Variants in GRIK2 observed in about 807,000 individuals in gnomAD.
GRIK2 encodes glutamate ionotropic receptor kainate type subunit 2.
In GRIK2, 32 loss-of-function variants were observed where a neutral mutation model predicts 100.3. That is an observed-to-expected ratio of 0.32 (90% CI 0.24 to 0.43). The LOEUF (loss-of-function observed/expected upper bound fraction) is 0.43, where lower values mean the gene tolerates loss of function less well. GRIK2 is among the 20% of genes least tolerant of loss of function. GRIK2 has a pLI of 1.00. For missense variants in GRIK2, 843 were observed against 1,114.9 expected, an observed-to-expected ratio of 0.76 and a Z score of 3.47; for synonymous variants, 417 against 389.4, an observed-to-expected ratio of 1.07 and a Z score of -0.83.
At chr6:101,754,095 T>A (rs1009929172) in intron 7 of GRIK2, among the ~76,000 whole-genome samples, 38 of 151,846 alleles carry the variant, frequency 2.5e-4, no homozygotes, top group Non-Finnish European at 1.0e-4. Flanking sequence ...CAATATTTCT[T>A]AGATAACTTC....
At chr6:101,822,823 G>A (rs1782041291) in intron 10 of GRIK2, among the ~76,000 whole-genome samples, 1 of 152,020 alleles carries the variant, frequency 6.6e-6, no homozygotes, top group Non-Finnish European at 1.5e-5. Flanking sequence ...AGAAGGTGGA[G>A]TAGTTGTAGG....
At chr6:101,422,565 T>A (rs1776461634) in intron 2 of GRIK2, among the ~76,000 whole-genome samples, 2 of 151,898 alleles carry the variant, frequency 1.3e-5, no homozygotes. Context: ...TTTGTTCAGA[T>A]CTGTTAAAGA....
At chr6:101,542,456 C>T (rs771172248) in intron 2 of GRIK2, among the ~76,000 whole-genome samples, 2 of 143,432 alleles carry the variant, frequency 1.4e-5, no homozygotes, top group Non-Finnish European at 3.0e-5. Flanking sequence ...CAATAACAGG[C>T]GTATTTAAAG....
Position 101,865,730 on chromosome 6 carries a change from T to C in GRIK2, c.1524+6237T>C, listed in dbSNP as rs535613926. 1.3e-4 allele frequency among the ~76,000 whole-genome samples: 19 copies of C among 151,524 alleles called. No individual in the cohort carries two copies. In the South Asian group the frequency reaches 3.7e-3, roughly 30 times the overall value. On this transcript the variant is annotated intron_variant, in intron 11 of 16. Transcript: ENST00000369134. The stretch of plus-strand genomic sequence containing the variant: ...GGTGAAAACCCGTCTCTACTAAAAA[T>C]ACAAAAAAGTTAGCTGGGTGTGCTG...
At chr6:101,864,986 G>A (rs1056998461) in intron 11 of GRIK2, among the ~76,000 whole-genome samples, 5 of 152,124 alleles carry the variant, frequency 3.3e-5, no homozygotes, top group Non-Finnish European at 7.4e-5. Flanking sequence ...AGAGATTTGT[G>A]TTTTAATATA....
At chr6:101,411,336 T>G (rs1316766324) in intron 2 of GRIK2, among the ~76,000 whole-genome samples, 1 of 152,102 alleles carries the variant, frequency 6.6e-6, no homozygotes, top group African/African-American at 2.4e-5. Flanking sequence ...TAATCAGTGG[T>G]TCTCAAACTT....
At chr6:101,887,455 G>A (rs1786731535) in intron 11 of GRIK2, among the ~76,000 whole-genome samples, 1 of 149,970 alleles carries the variant, frequency 6.7e-6, no homozygotes, top group Non-Finnish European at 1.5e-5. Context: ...ATTGTGCTGT[G>A]TAGTCAACCC....
At chr6:101,744,831 TTGGCCTCCCAAAGTGC>T (rs1489399073) in intron 7 of GRIK2, 1 of 151,974 alleles carries the variant, frequency 6.6e-6, no homozygotes, top group Admixed American at 6.6e-5. Context: ...TCCGCCCACC[TTGGCCTCCCAAAGTGC>T]TGGGATTACA....
At chr6:101,569,190 A>G (rs1392788129) in intron 2 of GRIK2, among the ~76,000 whole-genome samples, 2 of 152,076 alleles carry the variant, frequency 1.3e-5, no homozygotes, top group Non-Finnish European at 1.5e-5. Flanking sequence ...TTAGCCTCCC[A>G]GATAGTTTTA....
chr6:101,912,314 A>G (rs1788779513), intron 12 of GRIK2, among the ~76,000 whole-genome samples: 1 of 151,492 alleles, frequency 6.6e-6, no homozygotes, highest in African/African-American at 2.4e-5. Flanking sequence ...CAAGGCAGCA[A>G]AAAACTCTAA....
chr6:101,551,783 C>T (rs962158349), intron 2 of GRIK2, among the ~76,000 whole-genome samples: 36 of 152,134 alleles, frequency 2.4e-4, no homozygotes, highest in African/African-American at 8.0e-4. Context: ...CTTCACTTTG[C>T]TCGTTTTCAT....
chr6:101,738,269 T>G (rs1031930551), intron 7 of GRIK2, among the ~76,000 whole-genome samples: 1 of 139,798 alleles, frequency 7.2e-6, no homozygotes, highest in East Asian at 2.5e-4. Flanking sequence ...CAAATGTCAA[T>G]TGTAATTGTA....
At chr6:101,454,344 A>G (rs924688369) in intron 2 of GRIK2, among the ~76,000 whole-genome samples, 1 of 152,110 alleles carries the variant, frequency 6.6e-6, no homozygotes, top group African/African-American at 2.4e-5. Context: ...GATTTATGGC[A>G]TGGAGCATTT....
At chr6:101,943,022 GA>G (rs1373762705) in intron 14 of GRIK2, among the ~76,000 whole-genome samples, 4 of 152,224 alleles carry the variant, frequency 2.6e-5, no homozygotes, top group East Asian at 3.9e-4. Context: ...CCTAGGAGGG[GA>G]AAAAAATGGA....
intron 14 of GRIK2, among the ~76,000 whole-genome samples, chr6:102,014,429 T>C (rs1483600347): frequency 6.6e-6 from 1 of 152,154 alleles, no homozygotes; most frequent in Non-Finnish European, 1.5e-5. Flanking sequence ...GGTTTTCATA[T>C]CTCAGTTTCT....
rs1013527964 is a variant in GRIK2 at position 101,976,963 on chromosome 6, A to T, written c.2085+48331A>T. On this transcript the variant is annotated intron_variant, in intron 14 of 16. Coordinates refer to ENST00000369134, the MANE Select transcript of GRIK2 (RefSeq NM_021956.5). ...AATTTTGCAGAAGACAAAGAAGTTA[A>T]GCCTTTAACTAGCTGTCCATGTGTA... Among the ~76,000 whole-genome samples the T allele has an allele frequency of 1.6e-4, 24 of 151,986 alleles. 1 individual carries two copies. The highest frequency in any genetic ancestry group is 5.1e-4 in the African/African-American group (21 of 41,406).
At position 101,997,263 on chromosome 6, in the gene GRIK2, G is replaced by A. The variant is rs915259271; in HGVS notation, c.2086-38078G>A. Among the ~76,000 whole-genome samples the A allele has an allele frequency of 2.6e-5, 4 of 151,812 alleles. 1 individual carries two copies. Among genetic ancestry groups the A allele is most frequent in the Admixed American group, 1.3e-4 (2 of 15,212 alleles). ...GTCTTTCTTTTTTATTTGAAAAATAGTTTTAAAAATTTTAATTATTACCTT... is the reference window on the plus strand; with the variant it reads ...GTCTTTCTTTTTTATTTGAAAAATAATTTTAAAAATTTTAATTATTACCTT... On this transcript the variant is annotated intron_variant, in intron 14 of 16. Transcript: ENST00000369134.
In GRIK2 at chr6:101,636,510, AAAG is replaced by A. The variant is rs1158649661; in HGVS notation, c.541+9876_541+9878del. ...AACTTAAAGTATAATAAAAAAAAGA[AAAG>A]AAAATTATTTCTTGGGTTCTGATTA... is the stretch of plus-strand genomic sequence containing the variant. On this transcript the variant is annotated intron_variant, in intron 4 of 16. Coordinates refer to ENST00000369134, the MANE Select transcript of GRIK2 (RefSeq NM_021956.5). Among the ~76,000 whole-genome samples, 4 of 152,136 alleles carry A rather than the reference AAAG, an allele frequency of 2.6e-5. No individual in the cohort carries two copies. The East Asian group carries it at 5.8e-4, about 22-fold the overall frequency.
chr6:101,841,111 G>A (rs559054537), intron 10 of GRIK2, among the ~76,000 whole-genome samples: 4 of 152,230 alleles, frequency 2.6e-5, no homozygotes, highest in African/African-American at 9.6e-5. Flanking sequence ...ACCTTGAAGA[G>A]AAACAAAACA....
Sources: allele counts gnomAD v4.1 joint callset (sites outside exome capture counted in the v4.1 genomes callset), GRCh38; gene constraint gnomAD v4.1.1; transcripts MANE v1.5; gene names NCBI Gene and HGNC (gene_info 2026-07-23, HGNC 2026-07-21).